Variants in SLC17A6 observed in about 807,000 individuals in gnomAD.
SLC17A6 encodes the protein solute carrier family 17 member 6, also known as vesicular glutamate transporter 2.
SLC17A6 carries 35 observed loss-of-function variants against 67.1 expected under a neutral mutation model. The observed-to-expected ratio is 0.52, with a 90% confidence interval of 0.40 to 0.69. The LOEUF is 0.69. Ranked by LOEUF, SLC17A6 falls within the 30% of genes least tolerant of loss-of-function variation. The pLI is 0.00. For synonymous variants in SLC17A6, 285 were observed against 252.3 expected, an observed-to-expected ratio of 1.13 and a Z score of -1.23; for missense variants, 588 against 723.9, an observed-to-expected ratio of 0.81 and a Z score of 2.15.
intron 7 of SLC17A6, 75 bp downstream of exon 7, chr11:22,365,764 A>G: frequency 1.4e-6 from 2 of 1,472,872 alleles, no homozygotes; most frequent in African/African-American, 1.4e-5. Flanking sequence ...ACTATCTTAC[A>G]AGTTCTTCCT....
Position 22,362,736 on chromosome 11 carries a change from T to A in SLC17A6, c.662-3T>A, listed in dbSNP as rs768462556. On this transcript the variant is annotated splice_polypyrimidine_tract_variant and splice_region_variant and intron_variant, in intron 5 of 11. Coordinates refer to ENST00000263160, the MANE Select transcript of SLC17A6 (RefSeq NM_020346.3). Reference sequence around the variant, plus strand: ...CTTTCTCCCATTCTTCCTTACACTTTAGGTTCCTATGCCGGAGCTGTGATT... The same window carrying A: ...CTTTCTCCCATTCTTCCTTACACTTAAGGTTCCTATGCCGGAGCTGTGATT... 1 of 1,612,704 alleles carries A rather than the reference T, an allele frequency of 6.2e-7. No homozygotes were observed. The highest frequency in any genetic ancestry group is 8.5e-7 in the Non-Finnish European group (1 of 1,178,826).
chr11:22,377,210 A>T (rs1856241113), intron 11 of SLC17A6, among the ~76,000 whole-genome samples, 195 bp from the exon 12 acceptor site: 1 of 152,256 alleles, frequency 6.6e-6, no homozygotes. Flanking sequence ...CTAAACTTTT[A>T]GATTTAAAAC....
At chr11:22,346,817 T>A (rs1013243044) in intron 3 of SLC17A6, among the ~76,000 whole-genome samples, 1 of 148,200 alleles carries the variant, frequency 6.7e-6, no homozygotes, top group Non-Finnish European at 1.5e-5. Context: ...TATATATATA[T>A]AATATATGAA....
chr11:22,364,952 A>C (rs1856093309), intron 6 of SLC17A6, among the ~76,000 whole-genome samples: 1 of 152,150 alleles, frequency 6.6e-6, no homozygotes, highest in Non-Finnish European at 1.5e-5. Context: ...AATATGGTAT[A>C]CAGTCACGTA....
chr11:22,353,824 G>T (rs1342341275), intron 3 of SLC17A6, among the ~76,000 whole-genome samples: 4 of 152,002 alleles, frequency 2.6e-5, no homozygotes, highest in Non-Finnish European at 5.9e-5. Flanking sequence ...TCTAGGTCTG[G>T]GTCTTCACCC....
intron 7 of SLC17A6, among the ~76,000 whole-genome samples, chr11:22,367,078 C>A (rs190908427): frequency 9.6e-4 from 144 of 150,074 alleles, no homozygotes; most frequent in Admixed American, 1.9e-3. Context: ...AGGCATTAGG[C>A]GATCTGATCA....
chr11:22,341,163 G>T (rs1204148584), intron 1 of SLC17A6, among the ~76,000 whole-genome samples: 1 of 152,166 alleles, frequency 6.6e-6, no homozygotes, highest in Non-Finnish European at 1.5e-5. Context: ...CAGAGGAGGC[G>T]CTGGTAACCC....
intron 3 of SLC17A6, among the ~76,000 whole-genome samples, chr11:22,351,124 A>G (rs1339698043): frequency 2.0e-5 from 3 of 152,140 alleles, no homozygotes; most frequent in African/African-American, 7.2e-5. Context: ...TTTGTTTTAC[A>G]TTTCGGGAGG....
intron 3 of SLC17A6, among the ~76,000 whole-genome samples, chr11:22,350,699 G>A (rs1328325347): frequency 6.6e-6 from 1 of 151,974 alleles, no homozygotes; most frequent in African/African-American, 2.4e-5. Flanking sequence ...GCCTATCTCT[G>A]ACTTATATTC....
At chr11:22,343,669 CG>C in intron 3 of SLC17A6, among the ~76,000 whole-genome samples, 1 of 152,068 alleles carries the variant, frequency 6.6e-6, no homozygotes, top group Non-Finnish European at 1.5e-5. Context: ...GAGGGCAGAC[CG>C]GGAGCAGGCA....
intron 1 of SLC17A6, among the ~76,000 whole-genome samples, chr11:22,339,793 A>G (rs905092427): frequency 1.3e-5 from 2 of 152,186 alleles, no homozygotes; most frequent in Non-Finnish European, 2.9e-5. Flanking sequence ...AGATACCGCA[A>G]GGGCCCTGCA....
At chr11:22,343,138 C>G in intron 2 of SLC17A6, 109 bp from the exon 3 acceptor site, 2 of 875,106 alleles carry the variant, frequency 2.3e-6, no homozygotes, top group Non-Finnish European at 3.8e-6. Context: ...CCCCAGAATG[C>G]ATGAAGCGCC....
intron 2 of SLC17A6, among the ~76,000 whole-genome samples, chr11:22,342,738 G>A (rs1350101720): frequency 6.6e-6 from 1 of 152,146 alleles, no homozygotes; most frequent in Non-Finnish European, 1.5e-5. Flanking sequence ...GTCCCCATTT[G>A]TGGGGACACG....
At chr11:22,360,291 A>G (rs938751056) in intron 4 of SLC17A6, among the ~76,000 whole-genome samples, 4 of 152,078 alleles carry the variant, frequency 2.6e-5, no homozygotes, top group Non-Finnish European at 5.9e-5. Flanking sequence ...ACACATGGAC[A>G]CAGGGAGGGG....
intron 8 of SLC17A6, among the ~76,000 whole-genome samples, chr11:22,372,392 AT>A (rs1856183774): frequency 6.8e-6 from 1 of 147,700 alleles, no homozygotes; most frequent in African/African-American, 2.6e-5. Flanking sequence ...ACACATACAC[AT>A]ATATATATAT....
intron 3 of SLC17A6, among the ~76,000 whole-genome samples, chr11:22,352,321 C>T (rs1225653699): frequency 6.6e-6 from 1 of 152,150 alleles, no homozygotes; most frequent in Non-Finnish European, 1.5e-5. Context: ...AAATTATAGC[C>T]CATAGCTGTC....
intron 3 of SLC17A6, among the ~76,000 whole-genome samples, chr11:22,353,124 C>T (rs955958770): frequency 6.6e-6 from 1 of 152,146 alleles, no homozygotes; most frequent in African/African-American, 2.4e-5. Context: ...TAGGAAATTT[C>T]TGTATAATAA....
chr11:22,348,993 A>G (rs1855908232), intron 3 of SLC17A6, among the ~76,000 whole-genome samples: 2 of 152,134 alleles, frequency 1.3e-5, no homozygotes, highest in African/African-American at 4.8e-5. Flanking sequence ...TATTTGTTGG[A>G]ATAAGCATTG....
At chr11:22,343,078 T>C (rs957388321) in intron 2 of SLC17A6, 169 bp from the exon 3 acceptor site, 23 of 700,802 alleles carry the variant, frequency 3.3e-5, no homozygotes, top group Non-Finnish European at 3.6e-5. Flanking sequence ...CAGGGTTTTT[T>C]CGTTGCAAGA....
Sources: gnomAD v4.1 joint callset for allele counts (sites outside exome capture counted in the v4.1 genomes callset) on GRCh38, gnomAD v4.1.1 for gene constraint, MANE v1.5 for transcripts, NCBI Gene and HGNC (gene_info 2026-07-23, HGNC 2026-07-21) for gene names.